Variants in LAMA2 observed in about 807,000 individuals in gnomAD.
The protein encoded by LAMA2 is laminin subunit alpha 2, also known as laminin subunit alpha-2.
LAMA2 carries 269 observed loss-of-function variants against 364.8 expected under a neutral mutation model. That is an observed-to-expected ratio of 0.74 (90% CI 0.67 to 0.82). LAMA2 has a LOEUF of 0.82. Ranked by LOEUF, LAMA2 falls within the 40% of genes least tolerant of loss-of-function variation. LAMA2 has a pLI of 0.00. For missense variants in LAMA2, 3,807 were observed against 3,873.2 expected, an observed-to-expected ratio of 0.98 and a Z score of 0.45; for synonymous variants, 1,379 against 1,370.6, an observed-to-expected ratio of 1.01 and a Z score of -0.14.
At chr6:129,056,307 T>A (rs962807829) in intron 2 of LAMA2, among the ~76,000 whole-genome samples, 14 of 152,236 alleles carry the variant, frequency 9.2e-5, no homozygotes, top group Admixed American at 3.3e-4. Context: ...GGTATTTAGT[T>A]ATGCTTCTGA....
chr6:129,087,398 C>T (rs1024174999), intron 3 of LAMA2, among the ~76,000 whole-genome samples: 1 of 152,094 alleles, frequency 6.6e-6, no homozygotes, highest in African/African-American at 2.4e-5. Flanking sequence ...CTCTAATTAA[C>T]AAGAACCACA....
chr6:129,450,198 A>G (rs993109746), intron 45 of LAMA2, among the ~76,000 whole-genome samples: 2 of 152,024 alleles, frequency 1.3e-5, no homozygotes, highest in Non-Finnish European at 2.9e-5. Flanking sequence ...AATGACTGAA[A>G]TTCATTCTGT....
chr6:129,132,251 C>A (rs1325449052), intron 4 of LAMA2, among the ~76,000 whole-genome samples: 2 of 151,478 alleles, frequency 1.3e-5, no homozygotes, highest in African/African-American at 4.9e-5. Context: ...ACTGCAAGCT[C>A]CACCTCCCGG....
chr6:128,890,108 C>T (rs1776362673), intron 1 of LAMA2, among the ~76,000 whole-genome samples: 1 of 152,156 alleles, frequency 6.6e-6, no homozygotes, highest in Non-Finnish European at 1.5e-5. Context: ...ACTCAACTGA[C>T]CCCCGAACTG....
chr6:129,444,778 C>G (rs1260701512), intron 44 of LAMA2, among the ~76,000 whole-genome samples: 1 of 152,136 alleles, frequency 6.6e-6, no homozygotes, highest in African/African-American at 2.4e-5. Context: ...GAACCTTAAG[C>G]AGTTTAACTT....
At chr6:129,443,297 A>C (rs1782209100) in intron 44 of LAMA2, among the ~76,000 whole-genome samples, 1 of 152,208 alleles carries the variant, frequency 6.6e-6, no homozygotes, top group Non-Finnish European at 1.5e-5. Flanking sequence ...TGTTATAAAA[A>C]GTTTGGTCAG....
intron 1 of LAMA2, among the ~76,000 whole-genome samples, chr6:128,918,540 G>A (rs561314376): frequency 5.3e-5 from 8 of 152,104 alleles, no homozygotes; most frequent in Non-Finnish European, 7.4e-5. Flanking sequence ...CTATCCTCCC[G>A]TAAACACTAT....
At chr6:129,105,841 A>T (rs1775790414) in intron 4 of LAMA2, among the ~76,000 whole-genome samples, 1 of 152,194 alleles carries the variant, frequency 6.6e-6, no homozygotes, top group Non-Finnish European at 1.5e-5. Context: ...AGATCCTAGA[A>T]TTAAAATTAT....
chr6:129,113,187 C>A (rs1776259010), intron 4 of LAMA2, among the ~76,000 whole-genome samples: 2 of 152,046 alleles, frequency 1.3e-5, no homozygotes, highest in African/African-American at 4.8e-5. Context: ...GAGGGTCACT[C>A]TTTAACATGA....
chr6:129,167,881 T>C lies in LAMA2; in HGVS notation c.1306+2206T>C, dbSNP rs540109552. Among the ~76,000 whole-genome samples, 569 of 150,630 alleles carry C rather than the reference T, an allele frequency of 3.8e-3. 8 individuals carry two copies. The highest frequency in any genetic ancestry group is 0.013 in the African/African-American group (540 of 40,724). ...CTAACTGGTGTGAGATGGTATCTCA[T>C]TGTGGTTTTGATTTGCATTTCTCTG... On this transcript the variant is annotated intron_variant, in intron 9 of 64. Transcript: ENST00000421865.
At chr6:129,221,169 A>AAT (rs1306296257) in intron 12 of LAMA2, among the ~76,000 whole-genome samples, 3 of 151,492 alleles carry the variant, frequency 2.0e-5, no homozygotes, top group South Asian at 2.1e-4. Flanking sequence ...TCTCAAAAAA[A>AAT]AAATAAAAAT....
At position 129,100,164 on chromosome 6, in the gene LAMA2, G is replaced by T. The variant is rs371662476; in HGVS notation, c.639+1749G>T. ...CCATTCTCTCCCTTCATTAATAATGGTTCTCCATTCCTTAAACCAAGTCAG... is the reference window on the plus strand; with the variant it reads ...CCATTCTCTCCCTTCATTAATAATGTTTCTCCATTCCTTAAACCAAGTCAG... On this transcript the variant is annotated intron_variant, in intron 4 of 64. Transcript: ENST00000421865. 1.9e-3 allele frequency among the ~76,000 whole-genome samples: 295 copies of T among 152,196 alleles called. 1 individual carries two copies. The highest frequency in any genetic ancestry group is 6.8e-3 in the African/African-American group (283 of 41,520).
chr6:129,063,763 A>G (rs1209873554), intron 3 of LAMA2, among the ~76,000 whole-genome samples: 1 of 152,210 alleles, frequency 6.6e-6, no homozygotes, highest in East Asian at 1.9e-4. Context: ...CTGATCTTGC[A>G]GAGAAAAATT....
intron 58 of LAMA2, among the ~76,000 whole-genome samples, chr6:129,496,587 A>T (rs865913124): frequency 1.3e-5 from 2 of 152,194 alleles, no homozygotes; most frequent in South Asian, 2.1e-4. Context: ...GAAGCCACAC[A>T]TATCTTCTGT....
intron 1 of LAMA2, among the ~76,000 whole-genome samples, chr6:129,007,236 G>A (rs1784498681): frequency 6.6e-6 from 1 of 152,032 alleles, no homozygotes; most frequent in Non-Finnish European, 1.5e-5. Context: ...GGAGGCTCAG[G>A]GAGATTATTG....
chr6:129,161,347 T>C (rs1779427881), intron 8 of LAMA2, among the ~76,000 whole-genome samples: 1 of 152,158 alleles, frequency 6.6e-6, no homozygotes, highest in Non-Finnish European at 1.5e-5. Context: ...ACTGTGTGTT[T>C]AGTCCCTAAA....
chr6:128,937,247 G>T (rs1779881178), intron 1 of LAMA2, among the ~76,000 whole-genome samples: 1 of 152,068 alleles, frequency 6.6e-6, no homozygotes, highest in South Asian at 2.1e-4. Flanking sequence ...CTTTTGATAT[G>T]CCGTTGAATT....
At chr6:129,178,896 A>G (rs1371913160) in intron 10 of LAMA2, among the ~76,000 whole-genome samples, 1 of 152,116 alleles carries the variant, frequency 6.6e-6, no homozygotes, top group Non-Finnish European at 1.5e-5. Context: ...TAATAGTTAC[A>G]TAATAGGTAT....
chr6:129,483,279 T>G (rs1784441851), intron 55 of LAMA2, among the ~76,000 whole-genome samples: 1 of 151,690 alleles, frequency 6.6e-6, no homozygotes, highest in South Asian at 2.1e-4. Context: ...TTATAAACAT[T>G]TGCTATAAAA....
Sources: gnomAD v4.1 joint callset for allele counts (sites outside exome capture counted in the v4.1 genomes callset) on GRCh38, gnomAD v4.1.1 for gene constraint, MANE v1.5 for transcripts, NCBI Gene and HGNC (gene_info 2026-07-23, HGNC 2026-07-21) for gene names.